Variants in SYN3 observed in about 807,000 individuals in gnomAD.
SYN3 encodes the protein synapsin-3.
Under a neutral mutation model 65.8 loss-of-function variants are expected in SYN3, and 35 were observed. That is an observed-to-expected ratio of 0.53 (90% CI 0.41 to 0.70). The LOEUF (loss-of-function observed/expected upper bound fraction) is 0.70. SYN3 is among the 30% of genes least tolerant of loss of function. The pLI is 0.00. For synonymous variants in SYN3, 270 were observed against 292.9 expected, an observed-to-expected ratio of 0.92 and a Z score of 0.80; for missense variants, 680 against 749.0, an observed-to-expected ratio of 0.91 and a Z score of 1.08.
At chr22:32,797,013 T>C (rs1024395358) in intron 6 of SYN3, among the ~76,000 whole-genome samples, 3 of 152,002 alleles carry the variant, frequency 2.0e-5, no homozygotes, top group Non-Finnish European at 2.9e-5. Context: ...ACTGAGAGCT[T>C]TGTGGCCATG....
chr22:32,836,699 T>C (rs1366886992), intron 6 of SYN3, among the ~76,000 whole-genome samples: 1 of 151,994 alleles, frequency 6.6e-6, no homozygotes. Flanking sequence ...GCTGAGTGAG[T>C]AGGGGACACC....
chr22:32,861,960 A>C (rs1032248624), intron 6 of SYN3: 2 of 152,602 alleles, frequency 1.3e-5, no homozygotes, highest in Non-Finnish European at 2.9e-5. Context: ...TTCCTGAATC[A>C]AATTCTGCAG....
At chr22:32,742,273 G>GTAAATAAA (rs375722365) in intron 6 of SYN3, among the ~76,000 whole-genome samples, 16 of 151,518 alleles carry the variant, frequency 1.1e-4, no homozygotes, top group African/African-American at 3.4e-4. Flanking sequence ...CCATCTCAAA[G>GTAAATAAA]TAAATAAATA....
chr22:32,818,190 G>A (rs80266595), intron 6 of SYN3, among the ~76,000 whole-genome samples: 1,704 of 152,300 alleles, frequency 0.011, 33 homozygotes, highest in African/African-American at 0.038. Context: ...TGCTCAGAGC[G>A]TTTTGGTGAA....
At chr22:32,529,827 C>T (rs919841640) in intron 10 of SYN3, among the ~76,000 whole-genome samples, 3 of 152,212 alleles carry the variant, frequency 2.0e-5, no homozygotes, top group African/African-American at 7.2e-5. Flanking sequence ...ACCCACGCCA[C>T]CCCATCAGAC....
At chr22:32,864,009 T>C (rs979000487) in intron 6 of SYN3, among the ~76,000 whole-genome samples, 1 of 152,160 alleles carries the variant, frequency 6.6e-6, no homozygotes, top group African/African-American at 2.4e-5. Context: ...AGATCATCAA[T>C]AGAAATTCTG....
In SYN3 at chr22:32,596,732, G is replaced by A; in HGVS notation, c.716C>T (p.Thr239Ile). The change falls in exon 7 of 14, where the codon ACA (threonine) becomes ATA (isoleucine). Residue 239 changes from threonine (T) to isoleucine (I), a missense_variant. Physicochemically the swap from Thr to Ile is moderately conservative, Grantham distance 89. Transcript: ENST00000358763. ...GACTACCACCGGGAAGTGTGGGGCT[G>A]TGACCTGAAAGAGACAAGAAGAAGT... is the stretch of plus-strand genomic sequence containing the variant. Reference protein sequence around the residue: ...TFFPNHKPMVTAPHFPVVVKL... With the variant: ...TFFPNHKPMVIAPHFPVVVKL... 6.2e-7 allele frequency: 1 copy of A among 1,613,856 alleles called. No homozygotes were observed.
intron 6 of SYN3, among the ~76,000 whole-genome samples, chr22:32,815,517 G>T (rs575356117): frequency 6.6e-6 from 1 of 152,196 alleles, no homozygotes; most frequent in African/African-American, 2.4e-5. Context: ...CACTCATTGA[G>T]GTAGGCACTC....
At chr22:32,606,258 C>T (rs898512798) in intron 6 of SYN3, among the ~76,000 whole-genome samples, 3 of 152,108 alleles carry the variant, frequency 2.0e-5, no homozygotes, top group Non-Finnish European at 2.9e-5. Flanking sequence ...GCAGGGAGCG[C>T]GTTACGAAGC....
chr22:32,711,512 A>G (rs2060965467), intron 6 of SYN3, among the ~76,000 whole-genome samples: 1 of 152,244 alleles, frequency 6.6e-6, no homozygotes, highest in African/African-American at 2.4e-5. Context: ...GAGAGGGGCA[A>G]GCAGAGTAAT....
At chr22:32,666,245 G>T (rs5754198) in intron 6 of SYN3, among the ~76,000 whole-genome samples, 6,962 of 152,238 alleles carry the variant, frequency 0.046, 186 homozygotes, top group Admixed American at 0.068. Context: ...ACCCAGAAGG[G>T]TCTCCTTGAA....
At chr22:32,569,409 A>G (rs1363152091) in intron 7 of SYN3, among the ~76,000 whole-genome samples, 2 of 116,868 alleles carry the variant, frequency 1.7e-5, no homozygotes, top group African/African-American at 4.0e-5. Context: ...AAATCTATCT[A>G]TCTATCTATC....
At chr22:32,740,243 G>T (rs2061387678) in intron 6 of SYN3, among the ~76,000 whole-genome samples, 1 of 152,190 alleles carries the variant, frequency 6.6e-6, no homozygotes, top group Non-Finnish European at 1.5e-5. Context: ...ATACTTTCTG[G>T]ACAACTGTTC....
At chr22:32,748,536 T>C (rs747122021) in intron 6 of SYN3, among the ~76,000 whole-genome samples, 1 of 152,194 alleles carries the variant, frequency 6.6e-6, no homozygotes, top group Non-Finnish European at 1.5e-5. Context: ...CCCCTCTTCC[T>C]TTTCTTGGAG....
At chr22:32,970,498 GAT>G (rs1169076327) in intron 3 of SYN3, among the ~76,000 whole-genome samples, 1 of 139,376 alleles carries the variant, frequency 7.2e-6, no homozygotes, top group Non-Finnish European at 1.6e-5. Context: ...AAAAAAAAAA[GAT>G]ATCACGCCAC....
At position 32,984,161 on chromosome 22, in the gene SYN3, C is replaced by CA. The variant is rs35678412; in HGVS notation, c.312-3460dup. 5.0e-3 allele frequency among the ~76,000 whole-genome samples: 465 copies of CA among 92,898 alleles called. 4 individuals carry two copies. Among genetic ancestry groups the CA allele is most frequent in the African/African-American group, 0.015 (355 of 23,774 alleles). 60.9% of individuals were successfully genotyped at this position (92,898 alleles called of 152,430 possible). A position where few individuals can be genotyped will look rare whatever the true frequency, so the allele number is the denominator to read the frequency against. ...TGGGCGACAAGAATGAAACTCCATC[C>CA]AAAAAAAAAAAAAAAAAAGAAAAAG... On this transcript the variant is annotated intron_variant, in intron 2 of 13. Transcript: ENST00000358763.
At chr22:32,730,884 G>C (rs1014639723) in intron 6 of SYN3, among the ~76,000 whole-genome samples, 1 of 152,066 alleles carries the variant, frequency 6.6e-6, no homozygotes, top group African/African-American at 2.4e-5. Flanking sequence ...TCTCTGCCTG[G>C]AGCACATCTG....
chr22:32,561,192 C>A (rs991541022), intron 7 of SYN3, among the ~76,000 whole-genome samples: 2 of 152,178 alleles, frequency 1.3e-5, no homozygotes, highest in Admixed American at 6.5e-5. Context: ...AGAATGTCAC[C>A]TGCGGCCAGC....
chr22:32,555,669 T>C (rs1020606944), intron 7 of SYN3, among the ~76,000 whole-genome samples: 4 of 152,202 alleles, frequency 2.6e-5, no homozygotes, highest in African/African-American at 9.7e-5. Context: ...TGGCCTTTCT[T>C]TCTGGCAAAA....
Sources: allele counts gnomAD v4.1 joint callset (sites outside exome capture counted in the v4.1 genomes callset), GRCh38; gene constraint gnomAD v4.1.1; transcripts MANE v1.5; gene names NCBI Gene and HGNC (gene_info 2026-07-23, HGNC 2026-07-21).